The following BACH2 variants were observed in gnomAD, a reference collection of about 807,000 sequenced individuals.
BACH2 encodes transcription regulator protein BACH2.
In BACH2, 5 loss-of-function variants were observed where a neutral mutation model predicts 61.8. That is an observed-to-expected ratio of 0.08 (90% CI 0.04 to 0.17). The LOEUF (loss-of-function observed/expected upper bound fraction) is 0.17. Ranked by LOEUF, BACH2 falls within the 10% of genes least tolerant of loss-of-function variation. The pLI, the probability that BACH2 is intolerant of heterozygous loss-of-function variation, is 1.00. For missense variants in BACH2, 824 were observed against 1,091.1 expected (o/e 0.76, Z 3.45); for synonymous variants, 446 against 440.1 (o/e 1.01, Z -0.17).
rs534959600 is a variant in BACH2 at position 90,030,385 on chromosome 6, T to C, written c.-12-21529A>G. Among the ~76,000 whole-genome samples, 193 of 152,088 alleles carry C rather than the reference T, an allele frequency of 1.3e-3. 1 individual carries two copies. The highest frequency in any genetic ancestry group is 4.5e-3 in the African/African-American group (185 of 41,500). ...TTGAGAGAAGATGGTAGGAGGAAGG[T>C]TTCTGATTTTCGAATGAAAATCAGA... On this transcript the variant is annotated intron_variant, in intron 5 of 8. Transcript: ENST00000257749.
chr6:90,046,088 C>T (rs772844042), intron 5 of BACH2, among the ~76,000 whole-genome samples: 2 of 152,136 alleles, frequency 1.3e-5, no homozygotes, highest in Non-Finnish European at 2.9e-5. Flanking sequence ...TCATGTCTTC[C>T]CCAGTGTCCC....
At chr6:90,208,397 T>C (rs1219656315) in intron 3 of BACH2, among the ~76,000 whole-genome samples, 1 of 152,140 alleles carries the variant, frequency 6.6e-6, no homozygotes, top group Non-Finnish European at 1.5e-5. Context: ...GCAAAGGATA[T>C]AGACAGACAC....
intron 3 of BACH2, among the ~76,000 whole-genome samples, chr6:90,214,379 A>G (rs1356616378): frequency 6.6e-6 from 1 of 152,136 alleles, no homozygotes; most frequent in African/African-American, 2.4e-5. Context: ...GTTGCTGTAC[A>G]ATTCAGGCAA....
intron 4 of BACH2, among the ~76,000 whole-genome samples, chr6:90,120,664 G>C (rs1041724594): frequency 1.3e-5 from 2 of 152,132 alleles, no homozygotes; most frequent in African/African-American, 4.8e-5. Context: ...TGAATTTTTG[G>C]GAGGAGTTCA....
At chr6:90,170,009 T>C (rs1767758119) in intron 4 of BACH2, among the ~76,000 whole-genome samples, 1 of 152,242 alleles carries the variant, frequency 6.6e-6, no homozygotes, top group Admixed American at 6.5e-5. Context: ...GTTGAAGTTC[T>C]ATTGTGATCA....
At chr6:90,295,033 A>T in intron 1 of BACH2, among the ~76,000 whole-genome samples, 1 of 152,188 alleles carries the variant, frequency 6.6e-6, no homozygotes, top group Non-Finnish European at 1.5e-5. Flanking sequence ...ATTTACAGAG[A>T]GTGAGAGACT....
intron 5 of BACH2, among the ~76,000 whole-genome samples, chr6:90,019,908 T>C (rs946509564): frequency 6.6e-6 from 1 of 152,162 alleles, no homozygotes; most frequent in Admixed American, 6.5e-5. Context: ...GTTGATGAAA[T>C]AGGCTGTGAC....
rs1772595668 is a variant in BACH2, at chr6:89,930,703, GA to G, written c.*1704del. On this transcript the variant is annotated 3_prime_UTR_variant, in exon 9 of 9. Transcript: ENST00000257749. The stretch of plus-strand genomic sequence containing the variant: ...TGCAAGCCAACCAGTTTTGCAGCAA[GA>G]AGAGAAAATTATCATCAGGTGAGGG... 6.5e-6 allele frequency: 1 copy of G among 152,776 alleles called. No homozygotes were observed. Among genetic ancestry groups the G allele is most frequent in the African/African-American group, 2.4e-5 (1 of 41,456 alleles). The allele number at this position is 152,776 out of a possible 1,614,324, so 9.5% of individuals were successfully genotyped here.
At chr6:89,996,935 C>A (rs1389828327) in intron 6 of BACH2, among the ~76,000 whole-genome samples, 1 of 152,064 alleles carries the variant, frequency 6.6e-6, no homozygotes, top group East Asian at 1.9e-4. Context: ...GTCCATTCCT[C>A]TGCTTCTATG....
intron 4 of BACH2, among the ~76,000 whole-genome samples, chr6:90,115,243 G>A (rs1369674657): frequency 6.6e-6 from 1 of 152,108 alleles, no homozygotes; most frequent in African/African-American, 2.4e-5. Flanking sequence ...AACAAAGCCT[G>A]AGGAATCACG....
chr6:90,036,971 TTC>T (rs1183273548), intron 5 of BACH2, among the ~76,000 whole-genome samples: 1 of 152,194 alleles, frequency 6.6e-6, no homozygotes, highest in Non-Finnish European at 1.5e-5. Flanking sequence ...TAGCTAAGTG[TTC>T]TGTTTTTCTT....
At chr6:90,137,036 T>C (rs1004140277) in intron 4 of BACH2, among the ~76,000 whole-genome samples, 3 of 151,938 alleles carry the variant, frequency 2.0e-5, no homozygotes, top group African/African-American at 2.4e-5. Flanking sequence ...TGTCATCCTG[T>C]GACACTAGCA....
At chr6:89,949,305 AG>A (rs1249915278) in intron 7 of BACH2, among the ~76,000 whole-genome samples, 3 of 152,094 alleles carry the variant, frequency 2.0e-5, no homozygotes, top group East Asian at 1.9e-4. Context: ...CCCGCTCCTG[AG>A]GGGGGTCTGA....
rs146529750 is a variant in BACH2, at chr6:90,290,630, T to C, written c.-446+5850A>G. ...AAATACTAAGGAAAGATGCTGAGCA[T>C]GTACATTCACTTTGTTTCCTACTTG... On this transcript the variant is annotated intron_variant, in intron 1 of 8. Transcript: ENST00000257749. Among the ~76,000 whole-genome samples, 300 of 152,366 alleles carry C rather than the reference T, an allele frequency of 2.0e-3. 3 individuals are homozygous for C. Among genetic ancestry groups the C allele is most frequent in the African/African-American group, 7.0e-3 (292 of 41,586 alleles).
chr6:90,118,746 G>T (rs1164758388), intron 4 of BACH2, among the ~76,000 whole-genome samples: 1 of 152,162 alleles, frequency 6.6e-6, no homozygotes, highest in African/African-American at 2.4e-5. Context: ...TGTCAAAGTG[G>T]AATAAACAAA....
At chr6:89,997,600 T>C (rs1290341149) in intron 6 of BACH2, among the ~76,000 whole-genome samples, 2 of 152,250 alleles carry the variant, frequency 1.3e-5, no homozygotes, top group African/African-American at 4.8e-5. Context: ...TTCATCTTTA[T>C]AGAGCAAGAC....
At chr6:90,123,631 G>A (rs898487196) in intron 4 of BACH2, among the ~76,000 whole-genome samples, 33 of 150,974 alleles carry the variant, frequency 2.2e-4, no homozygotes, top group African/African-American at 7.0e-4. Context: ...TTAGCCGGGC[G>A]TAGTGGCGGG....
intron 6 of BACH2, among the ~76,000 whole-genome samples, chr6:89,961,910 G>C (rs1774766053): frequency 6.6e-6 from 1 of 152,060 alleles, no homozygotes; most frequent in African/African-American, 2.4e-5. Context: ...TAACATCTCT[G>C]AGCTTATTTC....
chr6:90,003,826 A>G (rs577029622), intron 6 of BACH2, among the ~76,000 whole-genome samples: 20 of 152,286 alleles, frequency 1.3e-4, no homozygotes, highest in African/African-American at 4.8e-4. Flanking sequence ...GGTGAGGCCA[A>G]AGGGCAGGCT....
Sources: gnomAD v4.1 joint callset for allele counts (sites outside exome capture counted in the v4.1 genomes callset) on GRCh38, gnomAD v4.1.1 for gene constraint, MANE v1.5 for transcripts, NCBI Gene and HGNC (gene_info 2026-07-23, HGNC 2026-07-21) for gene names.